Variants in THAP6 observed in about 807,000 individuals in gnomAD.
The protein encoded by THAP6 is THAP domain containing 6, also known as THAP domain-containing protein 6.
THAP6 carries 13 observed loss-of-function variants against 20.0 expected under a neutral mutation model. The ratio of observed to expected loss-of-function variants is 0.65; its 90% CI spans 0.42 to 1.03. The LOEUF is 1.03. THAP6 is among the 50% of genes least tolerant of loss of function. The pLI is 0.00. For missense variants in THAP6, 262 were observed against 261.6 expected (o/e 1.00, Z -0.01); for synonymous variants, 93 against 92.2 (o/e 1.01, Z -0.05).
intron 3 of THAP6, among the ~76,000 whole-genome samples, chr4:75,521,162 T>C (rs1726002827): frequency 6.6e-6 from 1 of 151,732 alleles, no homozygotes; most frequent in African/African-American, 2.4e-5. Flanking sequence ...CTTTTTTCAA[T>C]GTAGTCAATT....
At chr4:75,514,433 G>T (rs1725348192), upstream of THAP6, 7 of 894,200 alleles carry the variant, frequency 7.8e-6, 1 homozygote, top group South Asian at 1.5e-4. Flanking sequence ...CGGGGCAGAC[G>T]GATTTCCGGT....
chr4:75,515,395 T>C, intron 1 of THAP6, 38 bp from the exon 2 acceptor site: 1 of 1,568,704 alleles, frequency 6.4e-7, no homozygotes, highest in Non-Finnish European at 8.8e-7. Flanking sequence ...CCTTCAGCTT[T>C]CCGGTTACTA....
At chr4:75,544,645 C>T (rs1046180549) in intron 3 of THAP6, 4 of 151,934 alleles carry the variant, frequency 2.6e-5, no homozygotes, top group African/African-American at 9.7e-5. Flanking sequence ...GGTGTGAGTC[C>T]CCACCACCAC....
At chr4:75,517,388 A>C in intron 3 of THAP6, 1 of 159,014 alleles carries the variant, frequency 6.3e-6, no homozygotes, top group Admixed American at 6.1e-5. Flanking sequence ...TTGCTTATTC[A>C]TTTGAAGTCT....
intron 2 of THAP6, 44 bp from the exon 3 acceptor site, chr4:75,516,728 C>G: frequency 6.5e-7 from 1 of 1,533,516 alleles, no homozygotes. Flanking sequence ...AATTATATAG[C>G]AATAGTATTT....
chr4:75,526,536 C>T (rs906768983), intron 4 of THAP6, among the ~76,000 whole-genome samples: 1 of 152,150 alleles, frequency 6.6e-6, no homozygotes, highest in Non-Finnish European at 1.5e-5. Flanking sequence ...AGCCTGAGAA[C>T]CTGCTGCAGT....
chr4:75,544,656 A>C (rs1727086608), intron 3 of THAP6: 1 of 150,896 alleles, frequency 6.6e-6, no homozygotes, highest in South Asian at 2.1e-4. Context: ...CCACCACCAC[A>C]TCTGGCCTAG....
chr4:75,536,014 AT>A (rs1219660804), intron 2 of THAP6, among the ~76,000 whole-genome samples: 6 of 152,124 alleles, frequency 3.9e-5, no homozygotes, highest in African/African-American at 9.7e-5. Context: ...TTAAGCTGTT[AT>A]TTGTTAACTT....
chr4:75,514,434 G>A (rs891417245), upstream of THAP6: 1 of 884,098 alleles, frequency 1.1e-6, no homozygotes, highest in Non-Finnish European at 1.6e-6. Flanking sequence ...GGGGCAGACG[G>A]ATTTCCGGTT....
At chr4:75,531,808 G>A (rs906937182), downstream of THAP6, among the ~76,000 whole-genome samples, 2 of 148,708 alleles carry the variant, frequency 1.3e-5, no homozygotes, top group Admixed American at 6.7e-5. Flanking sequence ...TCAAATCATC[G>A]GATCTCATGA....
At chr4:75,542,711 G>C (rs1727038766) in intron 3 of THAP6, 2 of 391,588 alleles carry the variant, frequency 5.1e-6, no homozygotes, top group African/African-American at 4.1e-5. Context: ...GCAAGAGCCA[G>C]AGACTTTTGT....
At chr4:75,515,694 A>G (rs920021582) in intron 2 of THAP6, among the ~76,000 whole-genome samples, 162 bp downstream of exon 2, 2 of 152,228 alleles carry the variant, frequency 1.3e-5, no homozygotes, top group African/African-American at 4.8e-5. Flanking sequence ...ACATGTTTAT[A>G]ATTTAGTTTA....
At chr4:75,544,719 C>T (rs1431535738) in intron 3 of THAP6, 2 of 151,790 alleles carry the variant, frequency 1.3e-5, no homozygotes, top group Non-Finnish European at 2.9e-5. Flanking sequence ...CATCTAAAAA[C>T]ATTTAACAAT....
At position 75,524,734 on chromosome 4, in the gene THAP6, G is replaced by T. The variant is rs182377436; in HGVS notation, c.415-2226G>T. On this transcript the variant is annotated intron_variant, in intron 4 of 4. Coordinates refer to ENST00000311638, the MANE Select transcript of THAP6 (RefSeq NM_144721.6). Reference sequence around the variant, plus strand: ...TACTTCTTTTTTTCTTTGCTTTTAAGAATTTTTCTTTTTTTAAATTTTTTA... The same window carrying T: ...TACTTCTTTTTTTCTTTGCTTTTAATAATTTTTCTTTTTTTAAATTTTTTA... Among the ~76,000 whole-genome samples, 502 of 151,710 alleles carry T rather than the reference G, an allele frequency of 3.3e-3. 2 individuals carry two copies. The highest frequency in any genetic ancestry group is 5.4e-3 in the Non-Finnish European group (365 of 67,876).
At chr4:75,544,743 A>G (rs1727088146) in intron 3 of THAP6, 2 of 151,844 alleles carry the variant, frequency 1.3e-5, no homozygotes, top group African/African-American at 4.8e-5. Context: ...CTCCCTCCAA[A>G]CATTGTAATG....
At chr4:75,518,395 ATCT>A (rs1330207883) in intron 3 of THAP6, among the ~76,000 whole-genome samples, 1 of 152,220 alleles carries the variant, frequency 6.6e-6, no homozygotes, top group Non-Finnish European at 1.5e-5. Flanking sequence ...TATATAGATA[ATCT>A]TCTGGAAATA....
intron 2 of THAP6, chr4:75,542,401 T>C (rs1727029002): frequency 1.4e-6 from 1 of 701,374 alleles, no homozygotes; most frequent in South Asian, 1.5e-5. Flanking sequence ...GCCTGTGTTT[T>C]GTTTCAGATA....
intron 3 of THAP6, among the ~76,000 whole-genome samples, chr4:75,546,303 G>A (rs961198891): frequency 6.6e-6 from 1 of 152,118 alleles, no homozygotes; most frequent in Non-Finnish European, 1.5e-5. Context: ...ATCCTGAGAC[G>A]GAGGGATTGC....
At chr4:75,542,623 C>A in intron 3 of THAP6, 1 of 574,494 alleles carries the variant, frequency 1.7e-6, no homozygotes, top group South Asian at 2.3e-5. Context: ...GGTAATTTGC[C>A]CAAGGTTTCA....
Sources: gnomAD v4.1 joint callset for allele counts (sites outside exome capture counted in the v4.1 genomes callset) on GRCh38, gnomAD v4.1.1 for gene constraint, MANE v1.5 for transcripts, NCBI Gene and HGNC (gene_info 2026-07-23, HGNC 2026-07-21) for gene names.